RNF150: variants seen among roughly 807,000 people sequenced by gnomAD.
RNF150 encodes ring finger protein 150.
RNF150 carries 24 observed loss-of-function variants against 39.3 expected under a neutral mutation model. The ratio of observed to expected loss-of-function variants is 0.61; its 90% CI spans 0.44 to 0.86. The LOEUF (loss-of-function observed/expected upper bound fraction) is 0.86, where lower values mean the gene tolerates loss of function less well. RNF150 is among the 40% of genes least tolerant of loss of function. The probability of loss-of-function intolerance (pLI) is 0.00; values close to 1 mark genes in which losing one functional copy is unlikely to be tolerated. For missense variants in RNF150, 502 were observed against 587.8 expected (o/e 0.85, Z 1.51); for synonymous variants, 255 against 227.3 (o/e 1.12, Z -1.10).
At chr4:140,948,110 AAC>A (rs1380845458) in intron 3 of RNF150, among the ~76,000 whole-genome samples, 1 of 152,236 alleles carries the variant, frequency 6.6e-6, no homozygotes, top group Non-Finnish European at 1.5e-5. Flanking sequence ...AATAAATATT[AAC>A]ACACAATGGT....
At chr4:141,176,394 T>C (rs1727814797) in intron 1 of RNF150, among the ~76,000 whole-genome samples, 1 of 152,196 alleles carries the variant, frequency 6.6e-6, no homozygotes, top group South Asian at 2.1e-4. Context: ...GCACATGGCT[T>C]GGTCCCTTGC....
At chr4:140,914,165 T>C (rs1578958570) in intron 5 of RNF150, among the ~76,000 whole-genome samples, 1 of 152,236 alleles carries the variant, frequency 6.6e-6, no homozygotes, top group East Asian at 1.9e-4. Context: ...AATAGTGCTG[T>C]ATCTTTAACA....
chr4:141,029,643 T>A (rs1054368189), intron 1 of RNF150, among the ~76,000 whole-genome samples: 1 of 152,174 alleles, frequency 6.6e-6, no homozygotes, highest in Non-Finnish European at 1.5e-5. Flanking sequence ...AATGACTGGG[T>A]ATGCCTCAGC....
chr4:141,027,489 G>C (rs1272695651), intron 1 of RNF150, among the ~76,000 whole-genome samples: 1 of 152,122 alleles, frequency 6.6e-6, no homozygotes, highest in Non-Finnish European at 1.5e-5. Context: ...CACCTCTGTA[G>C]CAGGTACTTG....
At chr4:141,059,300 TCTTTTCCA>T (rs2110914237) in intron 1 of RNF150, among the ~76,000 whole-genome samples, 1 of 152,224 alleles carries the variant, frequency 6.6e-6, no homozygotes, top group South Asian at 2.1e-4. Flanking sequence ...CATTCTTTGG[TCTTTTCCA>T]GATACACATT....
At chr4:140,883,743 A>C (rs1483985960) in intron 6 of RNF150, among the ~76,000 whole-genome samples, 2 of 152,144 alleles carry the variant, frequency 1.3e-5, no homozygotes, top group Non-Finnish European at 2.9e-5. Context: ...ATTTGATTGT[A>C]ATGTGTCTCA....
Position 140,913,269 on chromosome 4 carries a change from A to AAAC in RNF150, c.988-1918_988-1916dup, listed in dbSNP as rs543239281. Among the ~76,000 whole-genome samples, 11 of 152,196 alleles carry AAAC rather than the reference A, an allele frequency of 7.2e-5. No individual in the cohort carries two copies. In the East Asian group the frequency reaches 1.9e-3, roughly 27 times the overall value. On this transcript the variant is annotated intron_variant, in intron 5 of 6. Transcript: ENST00000515673. Reference sequence around the variant, plus strand: ...AGCAAGACTCTGTCTCAAGAAAACAAAACAAAACAAAACAAAAACCATGGG... The same window carrying AAAC: ...AGCAAGACTCTGTCTCAAGAAAACAAAACAACAAAACAAAACAAAAACCATGGG...
chr4:141,048,507 G>A lies in RNF150; in HGVS notation c.485-80634C>T, dbSNP rs373467954. Among the ~76,000 whole-genome samples, 154 of 152,230 alleles carry A rather than the reference G, an allele frequency of 1.0e-3. 1 individual carries two copies. The highest frequency in any genetic ancestry group is 8.3e-3 in the South Asian group (40 of 4,824). On this transcript the variant is annotated intron_variant, in intron 1 of 6. Coordinates refer to ENST00000515673, the MANE Select transcript of RNF150 (RefSeq NM_020724.2). ...ACACTTTGGGAGAACAAGGCGGGAG[G>A]ACTGCATGAGGCTAAGAGTTTGAGA... is the stretch of plus-strand genomic sequence containing the variant.
intron 1 of RNF150, among the ~76,000 whole-genome samples, chr4:141,067,621 T>G (rs1303676906): frequency 2.0e-5 from 3 of 152,198 alleles, no homozygotes; most frequent in Non-Finnish European, 1.5e-5. Flanking sequence ...AGAAAAATCT[T>G]TGTTCCTAAT....
chr4:141,184,030 G>A (rs1230566192), intron 1 of RNF150, among the ~76,000 whole-genome samples: 2 of 152,110 alleles, frequency 1.3e-5, no homozygotes, highest in African/African-American at 4.8e-5. Flanking sequence ...CCCAGTAATG[G>A]GATTGCTGGG....
In RNF150 at chr4:140,972,271, T is replaced by C. The variant is rs560563725; in HGVS notation, c.485-4398A>G. On this transcript the variant is annotated intron_variant, in intron 1 of 6. Transcript: ENST00000515673. ...TAAAAACTGCAAAATACCATATAAA[T>C]GTAAAGTGTAATTACTACTTTTTGC... is the stretch of plus-strand genomic sequence containing the variant. 7.9e-5 allele frequency among the ~76,000 whole-genome samples: 12 copies of C among 152,260 alleles called. No individual in the cohort carries two copies. In the South Asian group the frequency reaches 2.5e-3, roughly 32 times the overall value.
In RNF150 at chr4:141,038,090, G is replaced by C. The variant is rs80287106; in HGVS notation, c.485-70217C>G. Among the ~76,000 whole-genome samples, 1,302 of 152,288 alleles carry C rather than the reference G, an allele frequency of 8.5e-3. 13 individuals are homozygous for C. The highest frequency in any genetic ancestry group is 0.031 in the South Asian group (149 of 4,824). ...CCACTCTGAGAAATCTGGGATATCA[G>C]GTTAGTCACATCTAGTCCTATGTCC... is the stretch of plus-strand genomic sequence containing the variant. On this transcript the variant is annotated intron_variant, in intron 1 of 6. Coordinates refer to ENST00000515673, the MANE Select transcript of RNF150 (RefSeq NM_020724.2).
chr4:140,894,246 C>A (rs1364890), intron 6 of RNF150, among the ~76,000 whole-genome samples: 83,296 of 151,748 alleles, frequency 0.55, 23,580 homozygotes, highest in East Asian at 0.84. Flanking sequence ...ATTAATAAAT[C>A]TTATGCTAAA....
At chr4:141,093,238 C>T (rs552402771) in intron 1 of RNF150, among the ~76,000 whole-genome samples, 24 of 151,942 alleles carry the variant, frequency 1.6e-4, no homozygotes, top group African/African-American at 3.9e-4. Flanking sequence ...TGGTGGCAGG[C>T]GCCTGTAGTC....
At chr4:140,874,616 G>A (rs889146491) in intron 6 of RNF150, among the ~76,000 whole-genome samples, 11 of 152,150 alleles carry the variant, frequency 7.2e-5, no homozygotes, top group African/African-American at 7.2e-5. Flanking sequence ...GGAGCTTAGT[G>A]GTGCAATCAC....
At chr4:141,101,399 G>A (rs1605395) in intron 1 of RNF150, among the ~76,000 whole-genome samples, 150,208 of 152,284 alleles carry the variant, frequency 0.99, 74,124 homozygotes, top group Middle Eastern at 1. Flanking sequence ...CAATATCACC[G>A]TCCTCTACCT....
chr4:140,920,751 G>A (rs1249352217), intron 5 of RNF150, among the ~76,000 whole-genome samples: 4 of 151,910 alleles, frequency 2.6e-5, no homozygotes, highest in Admixed American at 6.6e-5. Context: ...CGTTTATTGC[G>A]GCACTATTCA....
At chr4:140,877,857 G>T (rs1369637876) in intron 6 of RNF150, among the ~76,000 whole-genome samples, 2 of 152,174 alleles carry the variant, frequency 1.3e-5, no homozygotes, top group African/African-American at 4.8e-5. Flanking sequence ...ATTAGTATTG[G>T]GAAGTATGGA....
At chr4:140,961,915 C>T (rs983315024) in intron 2 of RNF150, among the ~76,000 whole-genome samples, 1 of 152,044 alleles carries the variant, frequency 6.6e-6, no homozygotes, top group Admixed American at 6.6e-5. Context: ...CAGAAAGTAA[C>T]ATAATGATTG....
Sources: allele counts gnomAD v4.1 joint callset (sites outside exome capture counted in the v4.1 genomes callset), GRCh38; gene constraint gnomAD v4.1.1; transcripts MANE v1.5; gene names NCBI Gene and HGNC (gene_info 2026-07-23, HGNC 2026-07-21).